DISC1: variants seen among roughly 807,000 people sequenced by gnomAD.
DISC1 encodes DISC1 scaffold protein.
In DISC1, 57 loss-of-function variants were observed where a neutral mutation model predicts 84.5. The observed-to-expected ratio is 0.67, with a 90% confidence interval of 0.55 to 0.84. DISC1 has a LOEUF of 0.84. Among genes scored for constraint, DISC1 ranks in the 40% least tolerant of loss-of-function variants. The pLI, the probability that DISC1 is intolerant of heterozygous loss-of-function variation, is 0.00. For missense variants in DISC1, 1,000 were observed against 1,057.8 expected, an observed-to-expected ratio of 0.95 and a Z score of 0.76; for synonymous variants, 411 against 415.2, an observed-to-expected ratio of 0.99 and a Z score of 0.12.
intron 9 of DISC1, among the ~76,000 whole-genome samples, chr1:231,884,112 C>T (rs529501291): frequency 7.0e-4 from 107 of 152,170 alleles, no homozygotes; most frequent in Middle Eastern, 3.4e-3. Context: ...CACTCGGGAC[C>T]CGGCCACTCA....
intron 3 of DISC1, among the ~76,000 whole-genome samples, chr1:231,715,595 A>G (rs145171567): frequency 0.011 from 1,726 of 152,258 alleles, 35 homozygotes; most frequent in African/African-American, 0.039. Context: ...GTTATCACAT[A>G]TATATACTCT....
At chr1:231,778,728 G>A (rs1469479812) in intron 6 of DISC1, among the ~76,000 whole-genome samples, 1 of 152,146 alleles carries the variant, frequency 6.6e-6, no homozygotes, top group African/African-American at 2.4e-5. Flanking sequence ...CCCTTATCTG[G>A]CTGGGTACAG....
At chr1:231,718,886 C>T (rs1036643597) in intron 3 of DISC1, among the ~76,000 whole-genome samples, 2 of 152,176 alleles carry the variant, frequency 1.3e-5, no homozygotes, top group Non-Finnish European at 2.9e-5. Flanking sequence ...TGCCACAATC[C>T]TAGCTTTTTA....
chr1:232,006,008 T>C (rs1457700743), intron 10 of DISC1, among the ~76,000 whole-genome samples: 1 of 152,204 alleles, frequency 6.6e-6, no homozygotes, highest in Admixed American at 6.5e-5. Flanking sequence ...GTGCCTGAGC[T>C]GATGAGTTGT....
At chr1:231,997,362 C>T (rs139726824) in intron 10 of DISC1, among the ~76,000 whole-genome samples, 6 of 152,222 alleles carry the variant, frequency 3.9e-5, no homozygotes, top group East Asian at 1.9e-4. Flanking sequence ...TCGCTCACAC[C>T]GTAGAAGCCA....
At chr1:231,960,793 G>T (rs1239394986) in intron 10 of DISC1, among the ~76,000 whole-genome samples, 1 of 152,176 alleles carries the variant, frequency 6.6e-6, no homozygotes, top group Non-Finnish European at 1.5e-5. Flanking sequence ...ACAGGTTGAG[G>T]GCTCAGTCCC....
At chr1:231,640,410 A>G (rs1034518458) in intron 1 of DISC1, among the ~76,000 whole-genome samples, 2 of 152,204 alleles carry the variant, frequency 1.3e-5, no homozygotes, top group African/African-American at 2.4e-5. Flanking sequence ...GCTTCAGCAC[A>G]TTCCCGGAGT....
chr1:231,628,546 A>C (rs2058449632), intron 1 of DISC1, among the ~76,000 whole-genome samples: 1 of 152,194 alleles, frequency 6.6e-6, no homozygotes. Context: ...CTGGGATTAC[A>C]GTCCTCATTT....
At chr1:232,018,722 A>G (rs1279029299) in intron 11 of DISC1, among the ~76,000 whole-genome samples, 2 of 152,140 alleles carry the variant, frequency 1.3e-5, no homozygotes, top group Non-Finnish European at 2.9e-5. Context: ...AGTCGGTGCT[A>G]CTGAATCATA....
intron 9 of DISC1, among the ~76,000 whole-genome samples, chr1:231,915,923 C>T (rs1012142672): frequency 1.3e-5 from 2 of 152,160 alleles, no homozygotes; most frequent in African/African-American, 2.4e-5. Flanking sequence ...ATAACAAGGT[C>T]GTGGATCTCA....
intron 5 of DISC1, among the ~76,000 whole-genome samples, chr1:231,769,855 G>C (rs1351808095): frequency 6.6e-6 from 1 of 152,194 alleles, no homozygotes; most frequent in Non-Finnish European, 1.5e-5. Flanking sequence ...AGAGAGGTTA[G>C]TTGAGAGACT....
chr1:231,808,952 T>G (rs909049001), intron 8 of DISC1, among the ~76,000 whole-genome samples: 2 of 152,156 alleles, frequency 1.3e-5, no homozygotes, highest in African/African-American at 4.8e-5. Flanking sequence ...GGGCAGTCCT[T>G]TGTCCCTGGG....
intron 3 of DISC1, among the ~76,000 whole-genome samples, chr1:231,718,767 C>T (rs1416941319): frequency 3.3e-5 from 5 of 152,158 alleles, no homozygotes; most frequent in South Asian, 4.1e-4. Context: ...TGGTAGTTCC[C>T]GAAGGCATAC....
chr1:231,693,605 G>A (rs1238495757), intron 1 of DISC1, among the ~76,000 whole-genome samples: 2 of 152,174 alleles, frequency 1.3e-5, no homozygotes, highest in Admixed American at 6.5e-5. Flanking sequence ...AAACCGAGGA[G>A]CTGAGATGCT....
intron 3 of DISC1, among the ~76,000 whole-genome samples, chr1:231,716,464 G>A (rs1333124221): frequency 2.6e-5 from 4 of 151,950 alleles, no homozygotes; most frequent in Non-Finnish European, 4.4e-5. Context: ...TAAATTTCAT[G>A]ACCTAGAATC....
intron 9 of DISC1, among the ~76,000 whole-genome samples, chr1:231,892,107 A>T (rs1353118028): frequency 6.6e-6 from 1 of 152,170 alleles, no homozygotes; most frequent in African/African-American, 2.4e-5. Flanking sequence ...TTGCTCTACC[A>T]AGAGAAAAAT....
At chr1:231,768,621 A>G (rs1396909529) in intron 5 of DISC1, among the ~76,000 whole-genome samples, 1 of 152,212 alleles carries the variant, frequency 6.6e-6, no homozygotes, top group Non-Finnish European at 1.5e-5. Flanking sequence ...AAGGTACTTG[A>G]ATATTCATTT....
At chr1:231,638,071 G>A (rs1047886572) in intron 1 of DISC1, among the ~76,000 whole-genome samples, 1 of 151,964 alleles carries the variant, frequency 6.6e-6, no homozygotes, top group African/African-American at 2.4e-5. Context: ...ATCTCATTGT[G>A]GTTTCAATTT....
rs1659495095 is a variant in DISC1 at position 231,956,337 on chromosome 1, T to C, written c.1982-2491T>C. Among the ~76,000 whole-genome samples, 3 of 152,204 alleles carry C rather than the reference T, an allele frequency of 2.0e-5. No individual in the cohort carries two copies. The South Asian group carries it at 6.2e-4, about 31-fold the overall frequency. On this transcript the variant is annotated intron_variant, in intron 9 of 12. Transcript: ENST00000439617. ...AAACTTTGGTCACATAAATTTGTCA[T>C]GCCTTTCTCTTGTTAACCTGTCTTT...
Sources: gnomAD v4.1 joint callset for allele counts (sites outside exome capture counted in the v4.1 genomes callset) on GRCh38, gnomAD v4.1.1 for gene constraint, MANE v1.5 for transcripts, NCBI Gene and HGNC (gene_info 2026-07-23, HGNC 2026-07-21) for gene names.